Variants in ADAMTSL1 observed in about 807,000 individuals in gnomAD.
ADAMTSL1 encodes ADAMTS like 1.
In ADAMTSL1, 126 loss-of-function variants were observed where a neutral mutation model predicts 201.8. That is an observed-to-expected ratio of 0.62 (90% CI 0.54 to 0.72). The LOEUF (loss-of-function observed/expected upper bound fraction) is 0.72. Among genes scored for constraint, ADAMTSL1 ranks in the 30% least tolerant of loss-of-function variants. ADAMTSL1 has a pLI of 0.00. For synonymous variants in ADAMTSL1, 1,121 were observed against 903.4 expected (o/e 1.24, Z -4.32); for missense variants, 2,679 against 2,277.8 (o/e 1.18, Z -3.59).
chr9:18,505,760 C>G (rs1314180166), intron 2 of ADAMTSL1, among the ~76,000 whole-genome samples: 1 of 152,198 alleles, frequency 6.6e-6, no homozygotes, highest in Non-Finnish European at 1.5e-5. Flanking sequence ...CTCAAAATTA[C>G]TGTATATACT....
intron 2 of ADAMTSL1, among the ~76,000 whole-genome samples, chr9:18,252,348 A>C (rs1006212540): frequency 6.6e-6 from 1 of 152,198 alleles, no homozygotes; most frequent in African/African-American, 2.4e-5. Flanking sequence ...AATGCAAATC[A>C]AACTCAAAAT....
intron 2 of ADAMTSL1, among the ~76,000 whole-genome samples, chr9:18,350,643 C>A (rs1175442872): frequency 2.0e-5 from 3 of 152,126 alleles, no homozygotes; most frequent in African/African-American, 4.8e-5. Context: ...TGGAGAGTTT[C>A]TTTTGGCGTT....
chr9:18,279,215 C>G lies in ADAMTSL1; in HGVS notation c.207+115234C>G, dbSNP rs7860341. 5.7e-3 allele frequency among the ~76,000 whole-genome samples: 865 copies of G among 152,058 alleles called. 9 individuals carry two copies. Among genetic ancestry groups the G allele is most frequent in the African/African-American group, 0.02 (830 of 41,478 alleles). ...ACCAAAATTCATTCATAATATAATCCTAGTCAGCCCTGCAGAACCTACATG... is the reference window on the plus strand; with the variant it reads ...ACCAAAATTCATTCATAATATAATCGTAGTCAGCCCTGCAGAACCTACATG... On this transcript the variant is annotated intron_variant, in intron 2 of 29. Transcript: ENST00000680146.
At chr9:18,190,305 C>T (rs75096318) in intron 2 of ADAMTSL1, among the ~76,000 whole-genome samples, 4,972 of 152,228 alleles carry the variant, frequency 0.033, 120 homozygotes, top group Non-Finnish European at 0.053. Context: ...GAATGAGTTA[C>T]GCTTGTCCAA....
At chr9:18,320,005 G>A (rs186373941) in intron 2 of ADAMTSL1, among the ~76,000 whole-genome samples, 120 of 152,252 alleles carry the variant, frequency 7.9e-4, no homozygotes, top group Non-Finnish European at 1.0e-4. Context: ...GAGGATGGGG[G>A]AGTTGCAAAC....
At chr9:18,871,887 T>A (rs1827889808) in intron 23 of ADAMTSL1, among the ~76,000 whole-genome samples, 1 of 152,150 alleles carries the variant, frequency 6.6e-6, no homozygotes, top group Non-Finnish European at 1.5e-5. Flanking sequence ...ACCTAGATAA[T>A]ACCACTTCCC....
intron 2 of ADAMTSL1, among the ~76,000 whole-genome samples, chr9:18,280,118 G>A (rs1239912015): frequency 2.6e-5 from 4 of 152,050 alleles, no homozygotes; most frequent in African/African-American, 9.7e-5. Flanking sequence ...CTGGAGCCTG[G>A]GTCCATGGGA....
intron 2 of ADAMTSL1, among the ~76,000 whole-genome samples, chr9:18,317,389 C>T (rs1198442831): frequency 8.7e-6 from 1 of 114,838 alleles, no homozygotes; most frequent in African/African-American, 3.6e-5. Flanking sequence ...TCTTAAGTGT[C>T]CTCAACACAC....
At chr9:18,118,218 C>T (rs192702622) in intron 1 of ADAMTSL1, among the ~76,000 whole-genome samples, 33 of 152,308 alleles carry the variant, frequency 2.2e-4, no homozygotes, top group Admixed American at 3.3e-4. Flanking sequence ...GAAAGACGGA[C>T]AACAATTCTG....
chr9:18,496,441 C>A (rs754537993), intron 1 of ADAMTSL1, among the ~76,000 whole-genome samples: 9 of 152,170 alleles, frequency 5.9e-5, no homozygotes, highest in Non-Finnish European at 1.0e-4. Context: ...GAACCTAAAC[C>A]ACATCCCGCA....
At chr9:18,738,202 A>T (rs1013803427) in intron 15 of ADAMTSL1, among the ~76,000 whole-genome samples, 1 of 152,166 alleles carries the variant, frequency 6.6e-6, no homozygotes, top group Non-Finnish European at 1.5e-5. Flanking sequence ...TAGGATAAGA[A>T]AGGATTTTCT....
chr9:18,721,625 C>T lies in ADAMTSL1; in HGVS notation c.1966C>T (p.Gln656Ter). 5 of 1,614,000 alleles carry T rather than the reference C, an allele frequency of 3.1e-6. No individual in the cohort carries two copies. The highest frequency in any genetic ancestry group is 4.2e-6 in the Non-Finnish European group (5 of 1,179,878). Residue 656 changes from glutamine to a stop codon, truncating the protein, a stop_gained, in exon 15 of 29, where the codon CAG becomes TAG. Coordinates refer to ENST00000380548, the MANE Select transcript of ADAMTSL1 (RefSeq NM_001040272.6). LOFTEE classifies it high-confidence loss of function. The stretch of plus-strand genomic sequence containing the variant: ...GTGCGTGACCAGCCGCCGGCCCCCA[C>T]AGCTCCTGAAGTCCTGCAATTTGGA... ...NLCVTSRRPP[Q>*]LLKSCNLDPC...
At chr9:18,536,829 T>TTAGGTCATA (rs1205435144) in intron 3 of ADAMTSL1, among the ~76,000 whole-genome samples, 2 of 152,318 alleles carry the variant, frequency 1.3e-5, no homozygotes, top group East Asian at 3.9e-4. Context: ...AAAGGTTTTC[T>TTAGGTCATA]TAGGTCATAT....
intron 26 of ADAMTSL1, among the ~76,000 whole-genome samples, chr9:18,898,876 C>G (rs1262323001): frequency 2.6e-5 from 4 of 152,154 alleles, no homozygotes; most frequent in African/African-American, 7.2e-5. Context: ...GAGCATTCCC[C>G]TTGAAAACCA....
chr9:18,430,059 G>A (rs548657326), intron 2 of ADAMTSL1, among the ~76,000 whole-genome samples: 9 of 152,166 alleles, frequency 5.9e-5, no homozygotes, highest in Admixed American at 2.0e-4. Flanking sequence ...CAAAGTGCTG[G>A]GATTGCAGGC....
intron 13 of ADAMTSL1, among the ~76,000 whole-genome samples, chr9:18,691,605 C>T (rs1032826273): frequency 6.6e-6 from 1 of 152,090 alleles, no homozygotes; most frequent in African/African-American, 2.4e-5. Context: ...TTTGTATGCC[C>T]TGACAAAGAT....
chr9:18,159,734 C>A (rs1350287448), intron 1 of ADAMTSL1, among the ~76,000 whole-genome samples: 1 of 151,906 alleles, frequency 6.6e-6, no homozygotes, highest in African/African-American at 2.4e-5. Flanking sequence ...AGTCAGAATA[C>A]TAATCAGTAT....
chr9:18,413,323 C>A (rs1343000541), intron 2 of ADAMTSL1, among the ~76,000 whole-genome samples: 2 of 152,010 alleles, frequency 1.3e-5, no homozygotes, highest in Non-Finnish European at 2.9e-5. Flanking sequence ...CGCCACCACA[C>A]CTGGCTAATT....
chr9:17,927,995 CT>C (rs71333019), intron 1 of ADAMTSL1, among the ~76,000 whole-genome samples: 314 of 149,520 alleles, frequency 2.1e-3, no homozygotes, highest in Non-Finnish European at 2.4e-3. Context: ...TTCTTTCTTT[CT>C]TTTTTTTTTT....
Sources: gnomAD v4.1 joint callset for allele counts (sites outside exome capture counted in the v4.1 genomes callset) on GRCh38, gnomAD v4.1.1 for gene constraint, MANE v1.5 for transcripts, NCBI Gene and HGNC (gene_info 2026-07-23, HGNC 2026-07-21) for gene names.